Variants in NPAS3 observed in about 807,000 individuals in gnomAD.
The protein encoded by NPAS3 is neuronal PAS domain-containing protein 3.
Under a neutral mutation model 73.1 loss-of-function variants are expected in NPAS3, and 14 were observed. The ratio of observed to expected loss-of-function variants is 0.19; its 90% confidence interval spans 0.13 to 0.30. The LOEUF (loss-of-function observed/expected upper bound fraction) is 0.30, where lower values mean the gene tolerates loss of function less well. NPAS3 is among the 10% of genes least tolerant of loss of function. The pLI is 1.00. For missense variants in NPAS3, 1,096 were observed against 1,250.0 expected, an observed-to-expected ratio of 0.88 and a Z score of 1.86; for synonymous variants, 620 against 541.5, an observed-to-expected ratio of 1.14 and a Z score of -2.01.
chr14:33,150,635 G>T (rs1403891378), intron 2 of NPAS3, among the ~76,000 whole-genome samples: 1 of 151,572 alleles, frequency 6.6e-6, no homozygotes, highest in African/African-American at 2.4e-5. Context: ...TGCTCTTAGT[G>T]GTTGTTCTCT....
At chr14:33,786,559 T>C (rs896211307) in intron 9 of NPAS3, among the ~76,000 whole-genome samples, 5 of 152,178 alleles carry the variant, frequency 3.3e-5, no homozygotes, top group Non-Finnish European at 5.9e-5. Context: ...AACACTTAAT[T>C]GTTAAAGGGA....
chr14:33,687,909 A>G, intron 6 of NPAS3, among the ~76,000 whole-genome samples: 1 of 152,336 alleles, frequency 6.6e-6, no homozygotes, highest in East Asian at 1.9e-4. Flanking sequence ...CTGCAGAAAG[A>G]TTCAGTTAAT....
intron 4 of NPAS3, among the ~76,000 whole-genome samples, chr14:33,467,431 A>G (rs540048586): frequency 6.6e-6 from 1 of 152,346 alleles, no homozygotes; most frequent in East Asian, 1.9e-4. Flanking sequence ...AGTCATTTAC[A>G]GGTTAAACTA....
At chr14:33,398,890 G>C (rs2047333014) in intron 4 of NPAS3, among the ~76,000 whole-genome samples, 1 of 151,892 alleles carries the variant, frequency 6.6e-6, no homozygotes, top group African/African-American at 2.4e-5. Context: ...ATTCTAAGGG[G>C]CTCCTGAGGT....
intron 5 of NPAS3, among the ~76,000 whole-genome samples, chr14:33,603,507 C>T (rs1019795386): frequency 3.9e-5 from 6 of 152,006 alleles, no homozygotes; most frequent in African/African-American, 1.4e-4. Context: ...AGCACAAAAA[C>T]AGGAAGAAAA....
chr14:33,684,104 T>C (rs899663632), intron 6 of NPAS3, among the ~76,000 whole-genome samples: 16 of 151,956 alleles, frequency 1.1e-4, no homozygotes, highest in African/African-American at 3.9e-4. Flanking sequence ...AGGAACTAGA[T>C]GGAAAAAGAA....
At chr14:33,771,734 C>A (rs575894199) in intron 7 of NPAS3, among the ~76,000 whole-genome samples, 1 of 152,166 alleles carries the variant, frequency 6.6e-6, no homozygotes, top group Non-Finnish European at 1.5e-5. Context: ...TGGCGTGAAC[C>A]TGGGACGCAG....
At chr14:33,493,342 A>G in intron 4 of NPAS3, among the ~76,000 whole-genome samples, 1 of 144,046 alleles carries the variant, frequency 6.9e-6, no homozygotes, top group Admixed American at 6.9e-5. Context: ...TTTTTTTCAC[A>G]CTCCTAATTT....
At chr14:33,204,957 A>C (rs1402635572) in intron 2 of NPAS3, among the ~76,000 whole-genome samples, 6 of 152,178 alleles carry the variant, frequency 3.9e-5, no homozygotes, top group East Asian at 1.9e-4. Context: ...TTAAGCATCA[A>C]GGCACTTCTC....
chr14:33,306,581 C>T (rs1161916099), intron 3 of NPAS3, among the ~76,000 whole-genome samples: 1 of 152,142 alleles, frequency 6.6e-6, no homozygotes, highest in Non-Finnish European at 1.5e-5. Context: ...CCAGCATGTC[C>T]TGAAGATGTG....
chr14:33,525,218 A>G (rs2053745283), intron 4 of NPAS3, among the ~76,000 whole-genome samples: 1 of 152,214 alleles, frequency 6.6e-6, no homozygotes, highest in South Asian at 2.1e-4. Flanking sequence ...CTAGAAGATC[A>G]TGAGAATCTC....
chr14:33,278,911 G>A (rs1209326885), intron 3 of NPAS3, among the ~76,000 whole-genome samples: 4 of 152,174 alleles, frequency 2.6e-5, no homozygotes, highest in Non-Finnish European at 5.9e-5. Flanking sequence ...TCTTCTTGAA[G>A]AACAGCATAA....
upstream of NPAS3, chr14:32,935,045 G>A: frequency 8.4e-7 from 1 of 1,193,610 alleles, no homozygotes; most frequent in Non-Finnish European, 1.1e-6. Context: ...CCCCGCCCCG[G>A]GGTGCTGGGG....
intron 4 of NPAS3, among the ~76,000 whole-genome samples, chr14:33,533,161 T>C (rs549692290): frequency 6.6e-6 from 1 of 152,260 alleles, no homozygotes; most frequent in East Asian, 1.9e-4. Context: ...CTGGCAGAGA[T>C]GATTACTTTA....
At chr14:33,435,684 A>C (rs2048958305) in intron 4 of NPAS3, among the ~76,000 whole-genome samples, 1 of 152,208 alleles carries the variant, frequency 6.6e-6, no homozygotes, top group Non-Finnish European at 1.5e-5. Flanking sequence ...CATAAATTAG[A>C]TTTCTTTACC....
intron 2 of NPAS3, among the ~76,000 whole-genome samples, chr14:33,090,302 G>C (rs1323592347): frequency 6.6e-6 from 1 of 152,064 alleles, no homozygotes; most frequent in Non-Finnish European, 1.5e-5. Flanking sequence ...GATGGAGGAA[G>C]ATCTACCAAG....
intron 5 of NPAS3, among the ~76,000 whole-genome samples, chr14:33,587,440 G>A (rs1005561720): frequency 6.6e-6 from 1 of 152,146 alleles, no homozygotes; most frequent in Non-Finnish European, 1.5e-5. Context: ...ATAACTGGGT[G>A]TCTCAGTAGG....
chr14:33,067,813 T>A (rs1053042825), intron 2 of NPAS3, among the ~76,000 whole-genome samples: 4 of 152,228 alleles, frequency 2.6e-5, no homozygotes, highest in Admixed American at 1.3e-4. Flanking sequence ...CTTGGGGTCT[T>A]CCCCAGAAAG....
At chr14:33,712,263 G>A (rs4312220) in intron 6 of NPAS3, among the ~76,000 whole-genome samples, 41,780 of 152,012 alleles carry the variant, frequency 0.27, 6,520 homozygotes, top group Admixed American at 0.49. Flanking sequence ...AGCTGGCACA[G>A]GTGAAGCAAA....
Sources: allele counts gnomAD v4.1 joint callset (sites outside exome capture counted in the v4.1 genomes callset), GRCh38; gene constraint gnomAD v4.1.1; transcripts MANE v1.5; gene names NCBI Gene and HGNC (gene_info 2026-07-23, HGNC 2026-07-21).